SLIT2: variants seen among roughly 807,000 people sequenced by gnomAD.
SLIT2 encodes the protein slit guidance ligand 2, also known as slit homolog 2 protein.
A neutral mutation model predicts 185.7 loss-of-function variants in SLIT2; 41 were observed. That is an observed-to-expected ratio of 0.22 (90% CI 0.17 to 0.29). SLIT2 has a LOEUF of 0.29. Among genes scored for constraint, SLIT2 ranks in the 10% least tolerant of loss-of-function variants. The probability of loss-of-function intolerance (pLI) is 1.00; values close to 1 mark genes in which losing one functional copy is unlikely to be tolerated. For missense variants in SLIT2, 1,571 were observed against 1,909.0 expected (o/e 0.82, Z 3.30); for synonymous variants, 693 against 680.2 (o/e 1.02, Z -0.29).
intron 4 of SLIT2, among the ~76,000 whole-genome samples, chr4:20,422,365 A>G (rs1728231892): frequency 6.6e-6 from 1 of 152,310 alleles, no homozygotes; most frequent in South Asian, 2.1e-4. Flanking sequence ...AAAGAAATAC[A>G]TGTTAAAGTG....
chr4:20,265,656 G>T (rs1455661444), intron 3 of SLIT2, among the ~76,000 whole-genome samples: 4 of 147,660 alleles, frequency 2.7e-5, no homozygotes, highest in South Asian at 4.3e-4. Flanking sequence ...TATATTTTCA[G>T]TTTTTTTTTT....
chr4:20,567,413 A>G (rs532923927), intron 27 of SLIT2, 27 bp downstream of exon 27: 2 of 1,613,010 alleles, frequency 1.2e-6, no homozygotes, highest in Non-Finnish European at 1.7e-6. Context: ...TAAGAGTCAC[A>G]GTTTGAGAGC....
intron 4 of SLIT2, among the ~76,000 whole-genome samples, chr4:20,389,437 T>G (rs956113914): frequency 6.6e-5 from 10 of 151,688 alleles, no homozygotes; most frequent in Non-Finnish European, 1.3e-4. Flanking sequence ...CTAGATAGAG[T>G]GGCTATCTCT....
At chr4:20,607,031 C>T (rs1728844348) in intron 33 of SLIT2, among the ~76,000 whole-genome samples, 1 of 152,204 alleles carries the variant, frequency 6.6e-6, no homozygotes, top group Non-Finnish European at 1.5e-5. Context: ...TAGCCACTAA[C>T]TAGATGTGTC....
At chr4:20,477,423 C>G (rs1467405711) in intron 5 of SLIT2, among the ~76,000 whole-genome samples, 2 of 151,916 alleles carry the variant, frequency 1.3e-5, no homozygotes, top group Non-Finnish European at 2.9e-5. Flanking sequence ...GGTCTCAAAC[C>G]CCTGACCTCG....
chr4:20,533,698 G>C lies in SLIT2; in HGVS notation c.1815G>C (p.Leu605Phe). 6.2e-7 allele frequency: 1 copy of C among 1,611,732 alleles called. No homozygotes were observed. The highest frequency in any genetic ancestry group is 8.5e-7 in the Non-Finnish European group (1 of 1,179,356). ...ENVQHKMFKG[L>F]ESLKTLMLRS... ...TGCAGCATAAGATGTTCAAGGGATT[G>C]GAAAGCCTCAAAACTTTGTAAGTAT... Residue 605 changes from leucine (L) to phenylalanine (F), a missense_variant, in exon 18 of 37, where the codon TTG becomes TTC. Leu to Phe is a conservative substitution (Grantham distance 22). Transcript: ENST00000504154.
At chr4:20,364,661 A>G (rs1161390393) in intron 4 of SLIT2, among the ~76,000 whole-genome samples, 1 of 152,022 alleles carries the variant, frequency 6.6e-6, no homozygotes, top group Admixed American at 6.6e-5. Context: ...TCTCATTCAC[A>G]TATATTTGCA....
chr4:20,271,607 G>GTAAACATTAA (rs1319182795), intron 4 of SLIT2, among the ~76,000 whole-genome samples: 1 of 150,130 alleles, frequency 6.7e-6, no homozygotes, highest in African/African-American at 2.4e-5. Context: ...TGTATAGGTT[G>GTAAACATTAA]TTCCGAGATA....
At chr4:20,466,077 A>G (rs892225108) in intron 4 of SLIT2, among the ~76,000 whole-genome samples, 3 of 152,162 alleles carry the variant, frequency 2.0e-5, no homozygotes, top group African/African-American at 7.2e-5. Context: ...CATTGTAAAC[A>G]GATTCAAATT....
intron 11 of SLIT2, among the ~76,000 whole-genome samples, chr4:20,516,901 CTT>C (rs1720266387): frequency 6.6e-6 from 1 of 152,148 alleles, no homozygotes; most frequent in Admixed American, 6.6e-5. Context: ...CGTTTACCCA[CTT>C]TGTCTCATTA....
intron 29 of SLIT2, among the ~76,000 whole-genome samples, chr4:20,573,864 T>TA (rs1725837771): frequency 6.6e-6 from 1 of 152,078 alleles, no homozygotes; most frequent in African/African-American, 2.4e-5. Context: ...ATGCCATATT[T>TA]AATTATTGGC....
At chr4:20,587,121 C>A (rs199928756) in intron 29 of SLIT2, among the ~76,000 whole-genome samples, 2 of 151,758 alleles carry the variant, frequency 1.3e-5, no homozygotes, top group African/African-American at 2.4e-5. Context: ...TGGGTTCAAG[C>A]GATTCTCCTG....
chr4:20,337,850 A>G (rs1004298923), intron 4 of SLIT2, among the ~76,000 whole-genome samples: 2 of 152,120 alleles, frequency 1.3e-5, no homozygotes, highest in African/African-American at 4.8e-5. Context: ...GTTAAGAAGA[A>G]CCAAAACACT....
At chr4:20,502,139 A>G (rs1271785806) in intron 9 of SLIT2, among the ~76,000 whole-genome samples, 1 of 152,242 alleles carries the variant, frequency 6.6e-6, no homozygotes, top group African/African-American at 2.4e-5. Context: ...CTTTCTCAAA[A>G]GAAAAATGTA....
intron 29 of SLIT2, among the ~76,000 whole-genome samples, chr4:20,584,199 C>T (rs1490318712): frequency 6.6e-6 from 1 of 152,170 alleles, no homozygotes; most frequent in Non-Finnish European, 1.5e-5. Context: ...TGATGAAGAA[C>T]TGAGGCTGAG....
At chr4:20,534,866 G>T (rs1722127459) in intron 18 of SLIT2, among the ~76,000 whole-genome samples, 1 of 152,180 alleles carries the variant, frequency 6.6e-6, no homozygotes. Flanking sequence ...AAGAGCAGAA[G>T]TGCATTCCTT....
chr4:20,253,999 G>T lies in SLIT2; in HGVS notation c.179+5G>T, dbSNP rs1722252660. ...CCCCCGCAACACCGAGAGACTGTGAGTATGCGCTCTTCGTCTTCCCCTCTC... is the reference window on the plus strand; with the variant it reads ...CCCCCGCAACACCGAGAGACTGTGATTATGCGCTCTTCGTCTTCCCCTCTC... On this transcript the variant is annotated splice_donor_5th_base_variant and intron_variant, in intron 1 of 36. Coordinates refer to ENST00000504154, the MANE Select transcript of SLIT2 (RefSeq NM_004787.4). 6.3e-7 allele frequency: 1 copy of T among 1,599,414 alleles called. No homozygotes were observed. Among genetic ancestry groups the T allele is most frequent in the Non-Finnish European group, 8.5e-7 (1 of 1,177,464 alleles).
chr4:20,345,274 G>C (rs568880755), intron 4 of SLIT2, among the ~76,000 whole-genome samples: 19 of 152,038 alleles, frequency 1.2e-4, no homozygotes, highest in Non-Finnish European at 2.8e-4. Context: ...TCTTTAGTCT[G>C]TCTTGGTCTG....
intron 4 of SLIT2, among the ~76,000 whole-genome samples, chr4:20,304,929 T>C (rs1265274834): frequency 1.3e-5 from 2 of 152,228 alleles, no homozygotes; most frequent in Non-Finnish European, 2.9e-5. Flanking sequence ...GGTTTTAATA[T>C]ATGCAGGTTA....
Sources: allele counts gnomAD v4.1 joint callset (sites outside exome capture counted in the v4.1 genomes callset), GRCh38; gene constraint gnomAD v4.1.1; transcripts MANE v1.5; gene names NCBI Gene and HGNC (gene_info 2026-07-23, HGNC 2026-07-21).